The following ENOX1 variants were observed in gnomAD, a reference collection of about 807,000 sequenced individuals.
ENOX1 encodes candidate growth-related and time keeping constitutive hydroquinone (NADH) oxidase.
A neutral mutation model predicts 82.5 loss-of-function variants in ENOX1; 42 were observed. That is an observed-to-expected ratio of 0.51 (90% CI 0.40 to 0.66). The LOEUF is 0.66. ENOX1 is among the 30% of genes least tolerant of loss of function. The probability of loss-of-function intolerance (pLI) is 0.00; values close to 1 mark genes in which losing one functional copy is unlikely to be tolerated. For missense variants in ENOX1, 608 were observed against 811.6 expected (o/e 0.75, Z 3.05); for synonymous variants, 271 against 282.2 (o/e 0.96, Z 0.40).
rs139239257 is a variant in ENOX1 at position 43,440,173 on chromosome 13, G to A, written c.-74-27185C>T. ...CGTTCCTGTTCCTTATCTATTAATAGATCTCAGAAGCCTGAACCTTGAAGT... is the reference window on the plus strand; with the variant it reads ...CGTTCCTGTTCCTTATCTATTAATAAATCTCAGAAGCCTGAACCTTGAAGT... On this transcript the variant is annotated intron_variant, in intron 3 of 16. Coordinates refer to ENST00000690772, the MANE Select transcript of ENOX1 (RefSeq NM_001347969.2). Among the ~76,000 whole-genome samples the A allele has an allele frequency of 2.6e-5, 4 of 152,284 alleles. No individual in the cohort carries two copies. The East Asian group carries it at 7.7e-4, about 29-fold the overall frequency.
intron 2 of ENOX1, among the ~76,000 whole-genome samples, chr13:43,552,596 C>T (rs1404484496): frequency 1.3e-5 from 2 of 152,116 alleles, no homozygotes; most frequent in African/African-American, 2.4e-5. Context: ...GTTCTTCCCC[C>T]TCTCATTTGT....
intron 1 of ENOX1, among the ~76,000 whole-genome samples, chr13:43,721,452 C>T (rs1462888341): frequency 3.0e-5 from 4 of 134,598 alleles, no homozygotes; most frequent in African/African-American, 1.1e-4. Flanking sequence ...GATCTCGGCT[C>T]ACTGCAAGCT....
intron 11 of ENOX1, among the ~76,000 whole-genome samples, chr13:43,316,703 T>C (rs1290655819): frequency 1.3e-5 from 2 of 151,710 alleles, no homozygotes; most frequent in Non-Finnish European, 2.9e-5. Flanking sequence ...CACATGAAAT[T>C]AGGGAACTTA....
At chr13:43,512,427 G>A (rs2077402865) in intron 2 of ENOX1, among the ~76,000 whole-genome samples, 1 of 152,160 alleles carries the variant, frequency 6.6e-6, no homozygotes, top group South Asian at 2.1e-4. Context: ...CATGTGAGCT[G>A]CCGAATGGCA....
chr13:43,412,054 C>T lies in ENOX1; in HGVS notation c.71-1G>A. On this transcript the variant is annotated splice_acceptor_variant, in intron 4 of 16. Transcript: ENST00000690772. LOFTEE classifies it high-confidence loss of function. ...GCTATACTCCCCAAACCATCGGCTG[C>T]TGTGGGGAAAAACAAACCATGATTT... The T allele has an allele frequency of 1.2e-6, 2 of 1,613,006 alleles. No homozygotes were observed. Among genetic ancestry groups the T allele is most frequent in the Non-Finnish European group, 1.7e-6 (2 of 1,179,178 alleles).
chr13:43,582,633 G>A (rs28610527), intron 2 of ENOX1, among the ~76,000 whole-genome samples: 81,929 of 151,652 alleles, frequency 0.54, 22,506 homozygotes, highest in Non-Finnish European at 0.61. Flanking sequence ...GAGTGCAGTG[G>A]TGCCATCATG....
chr13:43,554,246 T>G (rs1318316129), intron 2 of ENOX1, among the ~76,000 whole-genome samples: 4 of 152,176 alleles, frequency 2.6e-5, no homozygotes, highest in African/African-American at 9.7e-5. Flanking sequence ...AGAATCCATG[T>G]ACACATTGAA....
intron 2 of ENOX1, among the ~76,000 whole-genome samples, chr13:43,542,286 C>A (rs144241575): frequency 6.6e-5 from 10 of 151,802 alleles, no homozygotes; most frequent in South Asian, 2.1e-4. Context: ...GCTACAGGCA[C>A]GTGCCACCAC....
At chr13:43,552,346 TAAAA>T (rs11398493) in intron 2 of ENOX1, among the ~76,000 whole-genome samples, 1 of 117,606 alleles carries the variant, frequency 8.5e-6, no homozygotes. Context: ...GGCTCTTAAC[TAAAA>T]AAAAAAAAAA....
chr13:43,466,514 T>C (rs2057727709), intron 3 of ENOX1, among the ~76,000 whole-genome samples: 1 of 152,062 alleles, frequency 6.6e-6, no homozygotes, highest in East Asian at 1.9e-4. Flanking sequence ...CTACAAAAAA[T>C]AGAAAGGAAC....
chr13:43,249,390 G>GA (rs2043322971), intron 14 of ENOX1, among the ~76,000 whole-genome samples: 1 of 152,070 alleles, frequency 6.6e-6, no homozygotes, highest in Non-Finnish European at 1.5e-5. Flanking sequence ...GTACTAACAT[G>GA]AAAAATCTCC....
At chr13:43,694,571 T>C in intron 1 of ENOX1, among the ~76,000 whole-genome samples, 1 of 152,148 alleles carries the variant, frequency 6.6e-6, no homozygotes, top group East Asian at 1.9e-4. Flanking sequence ...AATGAGTGAG[T>C]CGTATGCCAA....
At chr13:43,468,270 C>A (rs1316866029) in intron 3 of ENOX1, among the ~76,000 whole-genome samples, 6 of 150,138 alleles carry the variant, frequency 4.0e-5, no homozygotes, top group Non-Finnish European at 4.5e-5. Context: ...CAACCTCCGC[C>A]TCCTGGGTTC....
intron 2 of ENOX1, among the ~76,000 whole-genome samples, chr13:43,587,384 T>TAACA (rs1398521971): frequency 1.3e-5 from 2 of 152,226 alleles, no homozygotes; most frequent in Non-Finnish European, 2.9e-5. Context: ...AATTAGGCTC[T>TAACA]AACATAGACC....
At chr13:43,600,022 CCAGGCA>C (rs2081634269) in intron 2 of ENOX1, among the ~76,000 whole-genome samples, 1 of 151,936 alleles carries the variant, frequency 6.6e-6, no homozygotes, top group Non-Finnish European at 1.5e-5. Context: ...GCAGTAGGAC[CCAGGCA>C]CTACTCACTG....
chr13:43,639,587 T>G (rs549254101), intron 2 of ENOX1, among the ~76,000 whole-genome samples: 11 of 152,196 alleles, frequency 7.2e-5, no homozygotes, highest in Non-Finnish European at 1.2e-4. Context: ...TTGACAATTA[T>G]GCCCTCCCAT....
intron 1 of ENOX1, among the ~76,000 whole-genome samples, chr13:43,708,200 G>A (rs1221506737): frequency 6.6e-6 from 1 of 152,180 alleles, no homozygotes; most frequent in African/African-American, 2.4e-5. Flanking sequence ...CATTTGTCTG[G>A]TGAGGGAAGA....
chr13:43,503,499 G>C (rs184738582), intron 2 of ENOX1, among the ~76,000 whole-genome samples: 83 of 151,762 alleles, frequency 5.5e-4, no homozygotes, highest in African/African-American at 1.9e-3. Flanking sequence ...CAAAGCTATA[G>C]TAATCAAAAG....
chr13:43,720,882 C>G (rs1029432410), intron 1 of ENOX1, among the ~76,000 whole-genome samples: 1 of 152,176 alleles, frequency 6.6e-6, no homozygotes, highest in African/African-American at 2.4e-5. Context: ...AAGAGGGACA[C>G]TGACAACCCT....
Sources: allele counts gnomAD v4.1 joint callset (sites outside exome capture counted in the v4.1 genomes callset), GRCh38; gene constraint gnomAD v4.1.1; transcripts MANE v1.5; gene names NCBI Gene and HGNC (gene_info 2026-07-23, HGNC 2026-07-21).